The following COL4A4 variants were observed in gnomAD, a reference collection of about 807,000 sequenced individuals.
The protein encoded by COL4A4 is collagen type IV alpha 4 chain.
A neutral mutation model predicts 192.9 loss-of-function variants in COL4A4; 105 were observed. The observed-to-expected ratio is 0.54, with a 90% CI of 0.46 to 0.64. The LOEUF (loss-of-function observed/expected upper bound fraction) is 0.64, where lower values mean the gene tolerates loss of function less well. Ranked by LOEUF, COL4A4 falls within the 30% of genes least tolerant of loss-of-function variation. The pLI, the probability that COL4A4 is intolerant of heterozygous loss-of-function variation, is 0.00. For synonymous variants in COL4A4, 762 were observed against 769.9 expected, an observed-to-expected ratio of 0.99 and a Z score of 0.17; for missense variants, 1,967 against 2,169.3, an observed-to-expected ratio of 0.91 and a Z score of 1.85.
At chr2:227,080,652 A>G in intron 23 of COL4A4, 103 bp from the exon 24 acceptor site, 1 of 988,406 alleles carries the variant, frequency 1.0e-6, no homozygotes. Flanking sequence ...CTGGGTTGGT[A>G]GTTTCCTGTG....
intron 42 of COL4A4, among the ~76,000 whole-genome samples, chr2:227,027,448 A>G (rs1323320155): frequency 7.0e-6 from 1 of 142,246 alleles, no homozygotes; most frequent in Non-Finnish European, 1.5e-5. Flanking sequence ...GGACACAAGA[A>G]GGGGAACATC....
chr2:227,029,829 T>C (rs1349487648), intron 41 of COL4A4, among the ~76,000 whole-genome samples: 1 of 152,158 alleles, frequency 6.6e-6, no homozygotes, highest in Non-Finnish European at 1.5e-5. Context: ...TGATTCGGGA[T>C]CTTTGCAGGA....
chr2:227,097,487 GTTAAT>G (rs1251389440), intron 19 of COL4A4, among the ~76,000 whole-genome samples: 2 of 152,226 alleles, frequency 1.3e-5, no homozygotes, highest in African/African-American at 4.8e-5. Flanking sequence ...AAGCTATTGG[GTTAAT>G]TTATTTTTTA....
intron 3 of COL4A4, among the ~76,000 whole-genome samples, chr2:227,140,588 T>C (rs1281526203): frequency 3.3e-5 from 5 of 152,160 alleles, no homozygotes; most frequent in Admixed American, 2.6e-4. Flanking sequence ...AATCCATGCA[T>C]AGACAGTGGA....
intron 1 of COL4A4, among the ~76,000 whole-genome samples, chr2:227,154,654 T>G (rs911389412): frequency 6.6e-6 from 1 of 152,252 alleles, no homozygotes; most frequent in African/African-American, 2.4e-5. Context: ...CAAAATAATT[T>G]TTGTGATTGC....
chr2:227,109,176 T>A (rs73082223), intron 10 of COL4A4, 48 bp downstream of exon 10: 4 of 1,544,770 alleles, frequency 2.6e-6, no homozygotes, highest in Non-Finnish European at 3.6e-6. Flanking sequence ...TTTATTTTCA[T>A]GTAGAATCTG....
At position 227,010,420 on chromosome 2, in the gene COL4A4, C is replaced by G; in HGVS notation, c.4415G>C (p.Ser1472Thr). Residue 1472 changes from serine to threonine, a missense_variant, in exon 46 of 48, where the codon AGT becomes ACT. By Grantham distance (58) the Ser-to-Thr change is moderately conservative (BLOSUM62 1). Coordinates refer to ENST00000396625, the MANE Select transcript of COL4A4 (RefSeq NM_000092.5). ...GCAGGTGGGCTCCTGGTCCGTCTGA[C>G]TGTGGAGAACCAGGAGGAAGCCACC... Reference protein sequence around the residue: ...YLGGFLLVLHSQTDQEPTCPL... With the variant: ...YLGGFLLVLHTQTDQEPTCPL... 3 of 1,614,120 alleles carry G rather than the reference C, an allele frequency of 1.9e-6. No individual in the cohort carries two copies. Among genetic ancestry groups the G allele is most frequent in the Admixed American group, 3.3e-5 (2 of 60,018 alleles).
intron 7 of COL4A4, among the ~76,000 whole-genome samples, chr2:227,118,161 G>C (rs1042450327): frequency 3.9e-5 from 6 of 152,172 alleles, no homozygotes; most frequent in African/African-American, 1.4e-4. Flanking sequence ...GAAATCAGTG[G>C]TCTCGTGTGG....
chr2:227,053,694 C>A (rs962859652), intron 31 of COL4A4, among the ~76,000 whole-genome samples: 1 of 151,726 alleles, frequency 6.6e-6, no homozygotes, highest in Admixed American at 6.6e-5. Flanking sequence ...ACTACAGGTG[C>A]CCACCACCAC....
At chr2:227,026,325 G>A (rs550128410) in intron 42 of COL4A4, among the ~76,000 whole-genome samples, 52 of 152,026 alleles carry the variant, frequency 3.4e-4, no homozygotes, top group South Asian at 2.7e-3. Context: ...GTGAAACCCC[G>A]TCTCTACTAA....
chr2:226,972,966 C>G, the COL4A4 span, among the ~76,000 whole-genome samples: 1 of 151,884 alleles, frequency 6.6e-6, no homozygotes, highest in Admixed American at 6.6e-5. Flanking sequence ...TGCAGGTTCC[C>G]CCACTGCTAT....
chr2:227,094,214 C>A lies in COL4A4; in HGVS notation c.1280G>T (p.Arg427Ile). 1 of 1,613,750 alleles carries A rather than the reference C, an allele frequency of 6.2e-7. No homozygotes were observed. The highest frequency in any genetic ancestry group is 8.5e-7 in the Non-Finnish European group (1 of 1,179,884). The change falls in exon 20 of 48, where the codon AGA becomes ATA. Residue 427 changes from arginine (R) to isoleucine (I), a missense_variant. Physicochemically the swap from Arg to Ile is moderately conservative, Grantham distance 97. Transcript: ENST00000396625. ...GLPGEAGIPG[R>I]PDSAPGKPGK... ...TGGTTTTCCTGGAGCAGAATCAGGTCTCCCAGGAATACCAGCTTCTCCTGG... is the reference window on the plus strand; with the variant it reads ...TGGTTTTCCTGGAGCAGAATCAGGTATCCCAGGAATACCAGCTTCTCCTGG...
At chr2:227,020,812 C>T (rs1965853704) in intron 44 of COL4A4, among the ~76,000 whole-genome samples, 1 of 151,222 alleles carries the variant, frequency 6.6e-6, no homozygotes. Flanking sequence ...TCCCTAATAT[C>T]TTTGTAAATT....
At chr2:227,062,969 C>T (rs952096528) in intron 25 of COL4A4, among the ~76,000 whole-genome samples, 2 of 152,104 alleles carry the variant, frequency 1.3e-5, no homozygotes, top group Admixed American at 6.6e-5. Flanking sequence ...GCATATCTAA[C>T]ACAATAGAAT....
At chr2:227,135,479 A>G (rs2125227529) in intron 4 of COL4A4, among the ~76,000 whole-genome samples, 1 of 152,316 alleles carries the variant, frequency 6.6e-6, no homozygotes, top group African/African-American at 2.4e-5. Flanking sequence ...ATTTCCTAAC[A>G]GGCTTAAATG....
At chr2:227,140,131 G>A in intron 4 of COL4A4, 30 bp downstream of exon 4, 2 of 1,577,728 alleles carry the variant, frequency 1.3e-6, no homozygotes, top group Non-Finnish European at 1.7e-6. Flanking sequence ...ATTCAGGAAT[G>A]CTGCCCATGT....
intron 31 of COL4A4, among the ~76,000 whole-genome samples, chr2:227,053,611 G>A (rs1454096227): frequency 7.4e-5 from 10 of 134,418 alleles, no homozygotes; most frequent in African/African-American, 2.9e-4. Context: ...GCAGTGGCAT[G>A]ATCTCTGCTC....
chr2:226,985,887 C>T, the COL4A4 span, among the ~76,000 whole-genome samples: 250 of 152,370 alleles, frequency 1.6e-3, 1 homozygote, highest in African/African-American at 5.4e-3. Flanking sequence ...ATCCAGGTAA[C>T]TCTTAGTGGC....
rs202002799 is a variant in COL4A4 at position 227,041,805 on chromosome 2, G to GAAGA, written c.3505+339_3505+342dup. Among the ~76,000 whole-genome samples the GAAGA allele has an allele frequency of 9.8e-3, 384 of 39,306 alleles. 36 individuals are homozygous for GAAGA. The highest frequency in any genetic ancestry group is 0.013 in the Non-Finnish European group (261 of 19,588). The allele number at this position is 39,306 out of a possible 152,430, so 25.8% of individuals were successfully genotyped here. A position where few individuals can be genotyped will look rare whatever the true frequency, so the allele number is the denominator to read the frequency against. On this transcript the variant is annotated intron_variant, in intron 37 of 47. Transcript: ENST00000396625. ...AAGGAAGGGAAAGAAAGAAAGAAAG[G>GAAGA]AAGAAAGAAAGAAAGAAAGAAAGAA...
Sources: allele counts gnomAD v4.1 joint callset (sites outside exome capture counted in the v4.1 genomes callset), GRCh38; gene constraint gnomAD v4.1.1; transcripts MANE v1.5; gene names NCBI Gene and HGNC (gene_info 2026-07-23, HGNC 2026-07-21).